The following MYH11 variants were observed in gnomAD, a reference collection of about 807,000 sequenced individuals.
MYH11 encodes myosin heavy chain 11, also known as myosin-11.
MYH11 carries 80 observed loss-of-function variants against 246.6 expected under a neutral mutation model. The ratio of observed to expected loss-of-function variants is 0.32; its 90% CI spans 0.27 to 0.39. The LOEUF (loss-of-function observed/expected upper bound fraction) is 0.39, where lower values mean the gene tolerates loss of function less well. MYH11 is among the 10% of genes least tolerant of loss of function. The pLI is 1.00. For synonymous variants in MYH11, 1,071 were observed against 1,015.5 expected (o/e 1.05, Z -1.04); for missense variants, 2,158 against 2,546.8 (o/e 0.85, Z 3.29).
intron 22 of MYH11, 71 bp downstream of exon 22, chr16:15,741,392 C>CACCT: frequency 6.6e-7 from 1 of 1,515,244 alleles, no homozygotes; most frequent in East Asian, 2.2e-5. Context: ...TCCCTGGATG[C>CACCT]ACCTCCACAG....
chr16:15,747,442 G>A lies in MYH11; in HGVS notation c.2411+128C>T, dbSNP rs2041448806. 5.3e-6 allele frequency: 6 copies of A among 1,141,436 alleles called. No individual in the cohort carries two copies. The East Asian group carries it at 1.4e-4, about 27-fold the overall frequency. The allele number at this position is 1,141,436 out of a possible 1,614,324, so 70.7% of individuals were successfully genotyped here. On this transcript the variant is annotated intron_variant, in intron 19 of 40. Transcript: ENST00000300036. Reference sequence around the variant, plus strand: ...AGTAGAAGCATTTCTTCCCCTTCAAGAAAAGGCTGTCATTCAGTCAATGAT... The same window carrying A: ...AGTAGAAGCATTTCTTCCCCTTCAAAAAAAGGCTGTCATTCAGTCAATGAT...
intron 40 of MYH11, among the ~76,000 whole-genome samples, chr16:15,705,541 C>T (rs1423765795): frequency 6.6e-6 from 1 of 152,210 alleles, no homozygotes; most frequent in Non-Finnish European, 1.5e-5. Flanking sequence ...ATGTTGGGCT[C>T]TGGCCATCTG....
At chr16:15,766,931 A>G (rs2041996038) in intron 9 of MYH11, among the ~76,000 whole-genome samples, 1 of 152,202 alleles carries the variant, frequency 6.6e-6, no homozygotes. Flanking sequence ...GTGCTGGTGC[A>G]AAGCACGCGC....
At chr16:15,806,279 CAAAAAAAAAAAAAAAAAAAAAAAA>C (rs71134463) in intron 3 of MYH11, among the ~76,000 whole-genome samples, 2 of 61,124 alleles carry the variant, frequency 3.3e-5, no homozygotes, top group Non-Finnish European at 6.6e-5. Context: ...CACTCTGTCT[CAAAAAAAAAAAAAAAAAAAAAAAA>C]AAAAAAAAAA....
At position 15,715,452 on chromosome 16, in the gene MYH11, G is replaced by A. The variant is rs1160312812; in HGVS notation, c.5505-180C>T. On this transcript the variant is annotated intron_variant, in intron 38 of 40. Transcript: ENST00000300036. ...GAAAAGGAATAAAGTATCAATGCATGCCACAGCATGGATGAGCCTGGAATT... is the reference window on the plus strand; with the variant it reads ...GAAAAGGAATAAAGTATCAATGCATACCACAGCATGGATGAGCCTGGAATT... Among the ~76,000 whole-genome samples, 3 of 152,148 alleles carry A rather than the reference G, an allele frequency of 2.0e-5. No homozygotes were observed. The East Asian group carries it at 5.8e-4, about 29-fold the overall frequency.
At chr16:15,708,823 T>C in intron 40 of MYH11, 1 of 1,609,894 alleles carries the variant, frequency 6.2e-7, no homozygotes, top group Non-Finnish European at 8.5e-7. Flanking sequence ...ACTGCGAAGT[T>C]TCCTGTGGGG....
chr16:15,797,629 A>T (rs2042774072), intron 4 of MYH11, among the ~76,000 whole-genome samples: 1 of 150,078 alleles, frequency 6.7e-6, no homozygotes, highest in East Asian at 1.9e-4. Flanking sequence ...CTCATTATTT[A>T]TATATTCTAT....
At chr16:15,849,089 G>T in intron 1 of MYH11, among the ~76,000 whole-genome samples, 1 of 152,140 alleles carries the variant, frequency 6.6e-6, no homozygotes, top group East Asian at 1.9e-4. Context: ...TTGGGGGAAG[G>T]GTCTCACTAT....
chr16:15,763,956 G>C, intron 9 of MYH11, 65 bp from the exon 10 acceptor site: 3 of 1,353,502 alleles, frequency 2.2e-6, no homozygotes, highest in Admixed American at 1.7e-5. Flanking sequence ...TGGAGTTTTG[G>C]AGCCTAAAGC....
intron 6 of MYH11, among the ~76,000 whole-genome samples, chr16:15,780,041 T>G (rs1461433206): frequency 6.6e-6 from 1 of 152,166 alleles, no homozygotes; most frequent in African/African-American, 2.4e-5. Context: ...AGCCGGCTGG[T>G]CACAGGCAAG....
intron 2 of MYH11, among the ~76,000 whole-genome samples, chr16:15,829,450 C>T (rs2043668242): frequency 6.6e-6 from 1 of 152,156 alleles, no homozygotes; most frequent in Non-Finnish European, 1.5e-5. Flanking sequence ...CCGCACATCT[C>T]ACGGCAGGGT....
intron 1 of MYH11, among the ~76,000 whole-genome samples, chr16:15,847,644 C>T (rs902057826): frequency 3.3e-5 from 5 of 152,120 alleles, no homozygotes; most frequent in Admixed American, 6.6e-5. Context: ...TAAAAGGACA[C>T]GCACGCCTCC....
At chr16:15,818,711 C>A (rs139957089) in intron 3 of MYH11, among the ~76,000 whole-genome samples, 4,945 of 151,772 alleles carry the variant, frequency 0.033, 265 homozygotes, top group African/African-American at 0.11. Context: ...GCTGGGATTA[C>A]AGGCGTTAGC....
At chr16:15,811,906 C>G (rs1439721171) in intron 3 of MYH11, among the ~76,000 whole-genome samples, 1 of 152,146 alleles carries the variant, frequency 6.6e-6, no homozygotes, top group African/African-American at 2.4e-5. Flanking sequence ...AGGGCAAGTG[C>G]AGAGGCTCAG....
rs1409089082 is a variant in MYH11, at chr16:15,745,156, G to A, written c.2493C>T (p.Asn831=). 2 of 1,614,188 alleles carry A rather than the reference G, an allele frequency of 1.2e-6. No individual in the cohort carries two copies. Residue 831 remains asparagine, a synonymous_variant, in exon 20 of 41, where the codon AAC becomes AAT. Coordinates refer to ENST00000300036, the MANE Select transcript of MYH11 (RefSeq NM_002474.3). ...RNCAAYLKLR[N]WQWWRLFTKV... Reference sequence around the variant, plus strand: ...TGGTGAAAAGCCTCCACCACTGCCAGTTCCGCAGCTTGAGGTAGGCGGCGC... The same window carrying A: ...TGGTGAAAAGCCTCCACCACTGCCAATTCCGCAGCTTGAGGTAGGCGGCGC...
At chr16:15,741,724 T>A (rs2041278226) in intron 21 of MYH11, 36 bp downstream of exon 21, 4 of 1,614,064 alleles carry the variant, frequency 2.5e-6, no homozygotes, top group Middle Eastern at 3.3e-4. Flanking sequence ...CAAGTCCTGT[T>A]CCCCAGCAAC....
At chr16:15,845,481 C>T (rs893611309) in intron 1 of MYH11, among the ~76,000 whole-genome samples, 7 of 152,116 alleles carry the variant, frequency 4.6e-5, no homozygotes, top group African/African-American at 1.4e-4. Flanking sequence ...TAAGCCACTT[C>T]GCTCATTCCT....
chr16:15,745,926 T>G (rs953094496), intron 19 of MYH11, among the ~76,000 whole-genome samples: 1 of 150,958 alleles, frequency 6.6e-6, no homozygotes, highest in Admixed American at 6.6e-5. Flanking sequence ...ATTTATTTGT[T>G]TATTTTCAGA....
intron 3 of MYH11, among the ~76,000 whole-genome samples, chr16:15,801,626 A>G (rs1165743946): frequency 6.6e-6 from 1 of 152,034 alleles, no homozygotes; most frequent in Non-Finnish European, 1.5e-5. Flanking sequence ...ACACCACTGC[A>G]CTCCAGCCTG....
Sources: allele counts gnomAD v4.1 joint callset (sites outside exome capture counted in the v4.1 genomes callset), GRCh38; gene constraint gnomAD v4.1.1; transcripts MANE v1.5; gene names NCBI Gene and HGNC (gene_info 2026-07-23, HGNC 2026-07-21).